TIAM1: variants seen among roughly 807,000 people sequenced by gnomAD.
TIAM1 encodes the protein TIAM Rac1 associated GEF 1.
TIAM1 carries 65 observed loss-of-function variants against 163.5 expected under a neutral mutation model. The ratio of observed to expected loss-of-function variants is 0.40; its 90% CI spans 0.33 to 0.49. TIAM1 has a LOEUF of 0.49. TIAM1 is among the 20% of genes least tolerant of loss of function. TIAM1 has a pLI of 0.77. For synonymous variants in TIAM1, 833 were observed against 810.1 expected (o/e 1.03, Z -0.48); for missense variants, 1,789 against 2,044.7 (o/e 0.87, Z 2.41).
At chr21:31,352,597 A>G (rs2076253424) in intron 2 of TIAM1, among the ~76,000 whole-genome samples, 1 of 151,652 alleles carries the variant, frequency 6.6e-6, no homozygotes, top group Non-Finnish European at 1.5e-5. Flanking sequence ...CATGCCTAAA[A>G]TCCCAGCACT....
intron 1 of TIAM1, among the ~76,000 whole-genome samples, chr21:31,549,068 A>G (rs1802761958): frequency 1.3e-5 from 2 of 152,142 alleles, no homozygotes; most frequent in Admixed American, 1.3e-4. Context: ...TCCAAATCTC[A>G]TTGCAAATAT....
intron 16 of TIAM1, among the ~76,000 whole-genome samples, chr21:31,159,792 G>A (rs1390892961): frequency 6.6e-6 from 1 of 152,216 alleles, no homozygotes; most frequent in Non-Finnish European, 1.5e-5. Context: ...TTAAAAGGTT[G>A]AATCTGATTT....
At chr21:31,128,151 G>C (rs2082279940) in intron 25 of TIAM1, among the ~76,000 whole-genome samples, 1 of 152,174 alleles carries the variant, frequency 6.6e-6, no homozygotes, top group African/African-American at 2.4e-5. Flanking sequence ...CAGAACCCTG[G>C]TCACAAACCC....
chr21:31,228,244 A>T lies in TIAM1; in HGVS notation c.1585-2294T>A, dbSNP rs1569068921. 2.3e-3 allele frequency among the ~76,000 whole-genome samples: 121 copies of T among 51,906 alleles called. 1 individual carries two copies. Among genetic ancestry groups the T allele is most frequent in the African/African-American group, 4.3e-3 (117 of 27,310 alleles). 34.1% of individuals were successfully genotyped at this position (51,906 alleles called of 152,430 possible). ...TTAAAAAAAAAAAAAAAAAAAAAAA[A>T]AAAAAAAAAAAAAAAGGAAGGAAAA... On this transcript the variant is annotated intron_variant, in intron 6 of 27. Transcript: ENST00000541036.
chr21:31,437,518 C>CAAAAAAAAAAA (rs2044252818), intron 2 of TIAM1, among the ~76,000 whole-genome samples: 2 of 114,722 alleles, frequency 1.7e-5, no homozygotes, highest in African/African-American at 9.3e-5. Context: ...AAAAAAAAAG[C>CAAAAAAAAAAA]AACTACATAA....
chr21:31,358,761 T>C (rs1182213261), intron 2 of TIAM1, among the ~76,000 whole-genome samples: 2 of 151,908 alleles, frequency 1.3e-5, no homozygotes, highest in Non-Finnish European at 2.9e-5. Flanking sequence ...TCTGAACAAG[T>C]CTCCCTGTTT....
At chr21:31,528,357 A>C (rs879765699) in intron 1 of TIAM1, among the ~76,000 whole-genome samples, 1 of 152,032 alleles carries the variant, frequency 6.6e-6, no homozygotes, top group Admixed American at 6.6e-5. Context: ...TCTACAAAAA[A>C]TTTGAAAATT....
At chr21:31,295,012 A>G (rs1392904184) in intron 2 of TIAM1, among the ~76,000 whole-genome samples, 1 of 152,214 alleles carries the variant, frequency 6.6e-6, no homozygotes, top group African/African-American at 2.4e-5. Flanking sequence ...TCCTGACGCT[A>G]GTTTTCATCT....
chr21:31,508,745 C>T (rs984319441), intron 1 of TIAM1, among the ~76,000 whole-genome samples: 1 of 152,138 alleles, frequency 6.6e-6, no homozygotes, highest in Non-Finnish European at 1.5e-5. Flanking sequence ...TGGGTCTCAG[C>T]TTCTGACTCT....
At position 31,339,380 on chromosome 21, in the gene TIAM1, C is replaced by A; in HGVS notation, c.-326G>T. 2.5e-6 allele frequency: 1 copy of A among 398,652 alleles called. No individual in the cohort carries two copies. Among genetic ancestry groups the A allele is most frequent in the Non-Finnish European group, 4.4e-6 (1 of 226,100 alleles). 24.7% of individuals were successfully genotyped at this position (398,652 alleles called of 1,614,324 possible). A position where few individuals can be genotyped will look rare whatever the true frequency, so the allele number is the denominator to read the frequency against. On this transcript the variant is annotated 5_prime_UTR_variant, in exon 2 of 28. Coordinates refer to ENST00000541036, the MANE Select transcript of TIAM1 (RefSeq NM_001353694.2). Reference sequence around the variant, plus strand: ...CCAGCCTCCTCTTCCTCCTCCTGGGCTTCAGGTCTAGAAAGGTGGGTCTCA... The same window carrying A: ...CCAGCCTCCTCTTCCTCCTCCTGGGATTCAGGTCTAGAAAGGTGGGTCTCA...
intron 2 of TIAM1, among the ~76,000 whole-genome samples, chr21:31,315,190 G>A (rs1252587366): frequency 6.6e-6 from 1 of 152,076 alleles, no homozygotes; most frequent in Non-Finnish European, 1.5e-5. Flanking sequence ...GACCAACATG[G>A]TGAAACTCCA....
chr21:31,444,231 T>G (rs925162338), intron 2 of TIAM1, among the ~76,000 whole-genome samples: 1 of 152,152 alleles, frequency 6.6e-6, no homozygotes, highest in African/African-American at 2.4e-5. Flanking sequence ...GTAGAGGCAC[T>G]AAAATTTAGA....
intron 1 of TIAM1, among the ~76,000 whole-genome samples, chr21:31,535,792 T>A (rs2048113568): frequency 6.6e-6 from 1 of 152,208 alleles, no homozygotes; most frequent in African/African-American, 2.4e-5. Context: ...CATCCAGCAC[T>A]GGCACATCCA....
intron 2 of TIAM1, among the ~76,000 whole-genome samples, chr21:31,324,195 C>A (rs1335463087): frequency 6.6e-6 from 1 of 151,936 alleles, no homozygotes; most frequent in Non-Finnish European, 1.5e-5. Flanking sequence ...TAATTCATTG[C>A]GTTTGGGACC....
At chr21:31,374,856 G>T (rs998824193) in intron 2 of TIAM1, among the ~76,000 whole-genome samples, 5 of 152,116 alleles carry the variant, frequency 3.3e-5, no homozygotes, top group African/African-American at 9.7e-5. Context: ...ATTCCTCTGG[G>T]CCATTAAATT....
chr21:31,534,599 G>A (rs541629991), intron 1 of TIAM1, among the ~76,000 whole-genome samples: 8 of 152,080 alleles, frequency 5.3e-5, no homozygotes, highest in African/African-American at 1.4e-4. Context: ...TGTTGAACCC[G>A]GGAGGCAGAG....
chr21:31,262,627 G>T (rs1188103762), intron 4 of TIAM1, among the ~76,000 whole-genome samples: 1 of 152,152 alleles, frequency 6.6e-6, no homozygotes, highest in Admixed American at 6.5e-5. Context: ...GAACTCCTGT[G>T]ACTTCACATT....
chr21:31,361,424 G>A (rs8134794), intron 2 of TIAM1, among the ~76,000 whole-genome samples: 31,155 of 152,014 alleles, frequency 0.2, 3,281 homozygotes, highest in Middle Eastern at 0.32. Flanking sequence ...TGTGATTGAG[G>A]ATGGGAGGGG....
intron 8 of TIAM1, among the ~76,000 whole-genome samples, chr21:31,218,499 A>G (rs8133166): frequency 0.22 from 32,954 of 149,594 alleles, 5,810 homozygotes; most frequent in African/African-American, 0.47. Context: ...AACCCAGGAG[A>G]TGGAGGTTGC....
Sources: gnomAD v4.1 joint callset for allele counts (sites outside exome capture counted in the v4.1 genomes callset) on GRCh38, gnomAD v4.1.1 for gene constraint, MANE v1.5 for transcripts, NCBI Gene and HGNC (gene_info 2026-07-23, HGNC 2026-07-21) for gene names.